The following CADM2 variants were observed in gnomAD, a reference collection of about 807,000 sequenced individuals.
The protein encoded by CADM2 is immunoglobulin superfamily member 4D.
In CADM2, 12 loss-of-function variants were observed where a neutral mutation model predicts 49.8. The observed-to-expected ratio is 0.24, with a 90% CI of 0.15 to 0.39. CADM2 has a LOEUF of 0.39. Among genes scored for constraint, CADM2 ranks in the 10% least tolerant of loss-of-function variants. CADM2 has a pLI of 1.00. For missense variants in CADM2, 378 were observed against 492.3 expected (o/e 0.77, Z 2.20); for synonymous variants, 214 against 175.4 (o/e 1.22, Z -1.74).
chr3:85,522,453 A>G (rs2061045638), intron 1 of CADM2, among the ~76,000 whole-genome samples: 1 of 152,128 alleles, frequency 6.6e-6, no homozygotes, highest in African/African-American at 2.4e-5. Context: ...TCTTTATAGC[A>G]TAGAGGTAAT....
intron 2 of CADM2, among the ~76,000 whole-genome samples, chr3:85,778,630 T>C (rs2107983443): frequency 6.6e-6 from 1 of 152,302 alleles, no homozygotes; most frequent in East Asian, 1.9e-4. Context: ...TGCAGAACTG[T>C]GAGTCAATTA....
intron 1 of CADM2, among the ~76,000 whole-genome samples, chr3:85,451,940 C>G (rs1349639147): frequency 6.6e-6 from 1 of 152,014 alleles, no homozygotes; most frequent in African/African-American, 2.4e-5. Flanking sequence ...CCAAAGCACT[C>G]AATTTCTAAG....
intron 1 of CADM2, among the ~76,000 whole-genome samples, chr3:85,275,014 G>A (rs1319210659): frequency 6.6e-6 from 1 of 151,394 alleles, no homozygotes; most frequent in Non-Finnish European, 1.5e-5. Context: ...AAAAAGCCTA[G>A]CCATAGAATC....
chr3:85,746,682 A>G (rs769797785), intron 2 of CADM2, among the ~76,000 whole-genome samples: 3 of 152,034 alleles, frequency 2.0e-5, no homozygotes, highest in Non-Finnish European at 4.4e-5. Context: ...TCCCAGTCCT[A>G]AGATCTTCTG....
At position 85,759,205 on chromosome 3, in the gene CADM2, T is replaced by C. The variant is rs2069259923; in HGVS notation, c.88+32657T>C. Reference sequence around the variant, plus strand: ...ATATCTTACCAGAGAATAAAAGACATTGCTTGAGATCCTCTGCTATGGTTC... The same window carrying C: ...ATATCTTACCAGAGAATAAAAGACACTGCTTGAGATCCTCTGCTATGGTTC... On this transcript the variant is annotated intron_variant, in intron 2 of 9. Transcript: ENST00000383699. Among the ~76,000 whole-genome samples, 7 of 152,108 alleles carry C rather than the reference T, an allele frequency of 4.6e-5. No homozygotes were observed. The South Asian group carries it at 1.4e-3, about 32-fold the overall frequency.
chr3:85,531,783 C>T (rs1375946886), intron 1 of CADM2, among the ~76,000 whole-genome samples: 1 of 152,064 alleles, frequency 6.6e-6, no homozygotes, highest in Non-Finnish European at 1.5e-5. Context: ...TATATGAAAT[C>T]AAACAAAATT....
At chr3:85,055,147 C>T (rs1038867286) in intron 1 of CADM2, among the ~76,000 whole-genome samples, 9 of 151,756 alleles carry the variant, frequency 5.9e-5, no homozygotes, top group East Asian at 3.9e-4. Flanking sequence ...CATTCTTACT[C>T]GTAATAATGA....
At chr3:85,437,298 A>G (rs749329218) in intron 1 of CADM2, among the ~76,000 whole-genome samples, 160 of 152,258 alleles carry the variant, frequency 1.1e-3, no homozygotes, top group South Asian at 6.2e-4. Flanking sequence ...CAATGATGAA[A>G]AAGTTTCTGT....
intron 8 of CADM2, among the ~76,000 whole-genome samples, chr3:86,021,281 T>C (rs975815334): frequency 6.6e-6 from 1 of 151,958 alleles, no homozygotes; most frequent in Admixed American, 6.6e-5. Context: ...ATTTCAAGTG[T>C]GAGTCACCGC....
chr3:85,206,255 A>G (rs1481390353), intron 1 of CADM2, among the ~76,000 whole-genome samples: 1 of 151,584 alleles, frequency 6.6e-6, no homozygotes, highest in African/African-American at 2.4e-5. Context: ...TATAAGTGAA[A>G]TCTTGTCAAA....
In CADM2 at chr3:85,879,040, C is replaced by T. The variant is rs551626470; in HGVS notation, c.239-4251C>T. Among the ~76,000 whole-genome samples the T allele has an allele frequency of 1.5e-4, 22 of 150,416 alleles. No individual in the cohort carries two copies. In the East Asian group the frequency reaches 4.1e-3, roughly 28 times the overall value. ...TACATATATATTTAGTATATATGTA[C>T]ACATAGTAACAAAATTTTAAAATTA... On this transcript the variant is annotated intron_variant, in intron 3 of 9. Coordinates refer to ENST00000383699, the MANE Select transcript of CADM2 (RefSeq NM_001167675.2).
At chr3:85,065,188 T>G (rs112068937) in intron 1 of CADM2, among the ~76,000 whole-genome samples, 2 of 152,244 alleles carry the variant, frequency 1.3e-5, no homozygotes, top group East Asian at 3.9e-4. Context: ...TCATCTGATA[T>G]TTCTGTTTGA....
rs72908536 is a variant in CADM2 at position 85,807,163 on chromosome 3, A to G, written c.238+4967A>G. Among the ~76,000 whole-genome samples, 505 of 152,218 alleles carry G rather than the reference A, an allele frequency of 3.3e-3. 6 individuals are homozygous for G. Among genetic ancestry groups the G allele is most frequent in the African/African-American group, 0.011 (472 of 41,538 alleles). On this transcript the variant is annotated intron_variant, in intron 3 of 9. Transcript: ENST00000383699. The stretch of plus-strand genomic sequence containing the variant: ...TGATCTTGGCAGCTTACTTTTGTTA[A>G]AGAGCAGCATGTCATTTCAAACTAT...
chr3:85,838,431 C>T (rs1297853351), intron 3 of CADM2, among the ~76,000 whole-genome samples: 1 of 151,780 alleles, frequency 6.6e-6, no homozygotes, highest in African/African-American at 2.4e-5. Flanking sequence ...GAGCCTTGTG[C>T]AACCCACCTT....
At chr3:85,218,759 T>C (rs1461485148) in intron 1 of CADM2, among the ~76,000 whole-genome samples, 1 of 152,138 alleles carries the variant, frequency 6.6e-6, no homozygotes, top group East Asian at 1.9e-4. Context: ...TTACGCCCAC[T>C]GCACTCCAGC....
rs531578385 is a variant in CADM2 at position 85,784,903 on chromosome 3, C to T, written c.89-17144C>T. On this transcript the variant is annotated intron_variant, in intron 2 of 9. Transcript: ENST00000383699. ...TATTTGTAGAATTTGACAGTGAAGC[C>T]GTCAGGCTCTGGGTTTTTCTTCTAC... Among the ~76,000 whole-genome samples, 335 of 152,158 alleles carry T rather than the reference C, an allele frequency of 2.2e-3. 2 individuals carry two copies. The highest frequency in any genetic ancestry group is 2.7e-3 in the Non-Finnish European group (186 of 67,974).
chr3:85,943,715 A>G (rs529163773), intron 7 of CADM2, among the ~76,000 whole-genome samples: 2 of 151,984 alleles, frequency 1.3e-5, no homozygotes, highest in East Asian at 3.9e-4. Context: ...AGATCAATGG[A>G]ACCAAACAGA....
At chr3:85,235,559 A>G (rs1345052080) in intron 1 of CADM2, among the ~76,000 whole-genome samples, 2 of 152,126 alleles carry the variant, frequency 1.3e-5, no homozygotes, top group Non-Finnish European at 2.9e-5. Flanking sequence ...ATTTTATCTT[A>G]ATTTTATAAT....
At chr3:85,552,532 C>G (rs1454899739) in intron 1 of CADM2, among the ~76,000 whole-genome samples, 1 of 151,598 alleles carries the variant, frequency 6.6e-6, no homozygotes, top group Non-Finnish European at 1.5e-5. Context: ...AGGCGCCCGC[C>G]ACCATGCCTG....
Sources: allele counts gnomAD v4.1 joint callset (sites outside exome capture counted in the v4.1 genomes callset), GRCh38; gene constraint gnomAD v4.1.1; transcripts MANE v1.5; gene names NCBI Gene and HGNC (gene_info 2026-07-23, HGNC 2026-07-21).